Variants in POM121C observed in about 807,000 individuals in gnomAD.
POM121C encodes POM121 transmembrane nucleoporin C, also known as nuclear envelope pore membrane protein POM 121C.
Under a neutral mutation model 66.4 loss-of-function variants are expected in POM121C, and 20 were observed. The observed-to-expected ratio is 0.30, with a 90% confidence interval of 0.21 to 0.44. The LOEUF (loss-of-function observed/expected upper bound fraction) is 0.44, where lower values mean the gene tolerates loss of function less well. Among genes scored for constraint, POM121C ranks in the 20% least tolerant of loss-of-function variants. The pLI is 1.00. For missense variants in POM121C, 580 were observed against 1,225.7 expected (o/e 0.47, Z 7.87); for synonymous variants, 286 against 528.0 (o/e 0.54, Z 6.28).
At chr7:75,460,897 C>T (rs1222752648) in intron 3 of POM121C, among the ~76,000 whole-genome samples, 1 of 152,106 alleles carries the variant, frequency 6.6e-6, no homozygotes, top group East Asian at 1.9e-4. Flanking sequence ...GCAACAGTGG[C>T]TTCCCCAGGG....
At chr7:75,482,756 A>C (rs1792358536) in intron 1 of POM121C, among the ~76,000 whole-genome samples, 1 of 152,108 alleles carries the variant, frequency 6.6e-6, no homozygotes, top group African/African-American at 2.4e-5. Context: ...ATACTTACAG[A>C]TGAATCTTTT....
chr7:75,467,713 G>T (rs1791708572), intron 3 of POM121C, among the ~76,000 whole-genome samples: 1 of 151,858 alleles, frequency 6.6e-6, no homozygotes, highest in Non-Finnish European at 1.5e-5. Context: ...ATATTTGCTG[G>T]GTACCACTCT....
intron 3 of POM121C, among the ~76,000 whole-genome samples, chr7:75,443,227 A>G (rs1269622703): frequency 1.3e-5 from 2 of 152,154 alleles, no homozygotes; most frequent in African/African-American, 4.8e-5. Flanking sequence ...TCTGTGATCG[A>G]TTTATACCTA....
chr7:75,484,414 G>A (rs1792428740), intron 1 of POM121C: 1 of 463,738 alleles, frequency 2.2e-6, no homozygotes, highest in Non-Finnish European at 3.8e-6. Context: ...GTGATACAGG[G>A]TTTCACCATG....
intron 7 of POM121C, among the ~76,000 whole-genome samples, chr7:75,427,908 G>C (rs1790019077): frequency 6.6e-6 from 1 of 152,150 alleles, no homozygotes; most frequent in Non-Finnish European, 1.5e-5. Context: ...CCGGGCCCAG[G>C]AGGAGCTTGA....
chr7:75,437,614 A>C lies in POM121C; in HGVS notation c.381T>G (p.Ser127=). The change falls in exon 7 of 15, where the codon TCT becomes TCG. Residue 127 remains serine, a synonymous_variant. Transcript: ENST00000615331. The part of the protein sequence containing the change: ...DDHLNKRSRS[S]SMSSLTGAYT... ...AAGCGCCTGTCAAGGAGCTCATGGA[A>C]GAGCTTCGGGATCTCTTATTCAAGT... The C allele has an allele frequency of 6.2e-7, 1 of 1,613,978 alleles. No homozygotes were observed. The highest frequency in any genetic ancestry group is 1.1e-5 in the South Asian group (1 of 91,072).
At chr7:75,484,181 C>G in intron 1 of POM121C, 1 of 1,608,294 alleles carries the variant, frequency 6.2e-7, no homozygotes. Context: ...AACATATACA[C>G]AAGCAGGAAA....
At chr7:75,442,040 A>T (rs1365274913) in intron 3 of POM121C, 1 of 1,163,744 alleles carries the variant, frequency 8.6e-7, no homozygotes, top group Non-Finnish European at 1.1e-6. Flanking sequence ...ACCACACACA[A>T]TTCCCTTCGG....
rs1282462004 is a variant in POM121C at position 75,417,179 on chromosome 7, C to T, written c.*1617G>A. On this transcript the variant is annotated 3_prime_UTR_variant, in exon 15 of 15. Transcript: ENST00000615331. The stretch of plus-strand genomic sequence containing the variant: ...GTATAACACTCGCCCTCAGTCACAA[C>T]GGGGAGGGGGCACCGGTTACATCTA... 21 of 977,766 alleles carry T rather than the reference C, an allele frequency of 2.1e-5. No homozygotes were observed. Among genetic ancestry groups the T allele is most frequent in the Non-Finnish European group, 2.6e-5 (21 of 819,288 alleles). 60.6% of individuals were successfully genotyped at this position (977,766 alleles called of 1,614,324 possible).
At chr7:75,441,261 T>C in intron 4 of POM121C, 146 bp from the exon 5 acceptor site, 3 of 1,369,664 alleles carry the variant, frequency 2.2e-6, no homozygotes, top group Non-Finnish European at 3.0e-6. Flanking sequence ...ACTTTTTCGT[T>C]AACGGCAAAA....
chr7:75,478,700 C>G (rs1554479724), intron 1 of POM121C, among the ~76,000 whole-genome samples: 1 of 143,618 alleles, frequency 7.0e-6, no homozygotes, highest in African/African-American at 2.6e-5. Flanking sequence ...AAGACAGCAA[C>G]AGAAGTTACA....
At position 75,419,315 on chromosome 7, in the gene POM121C, CTTACCGAA is replaced by C. The variant is rs1476820299; in HGVS notation, c.2863_2866+4del. On this transcript the variant is annotated splice_donor_variant and splice_donor_region_variant and coding_sequence_variant and intron_variant, in exon 14 of 15. Coordinates refer to ENST00000615331, the MANE Select transcript of POM121C (RefSeq NM_001099415.3). LOFTEE classifies it high-confidence loss of function. ...AGCAGGGCCACAGGGTGGCTTGCTG[CTTACCGAA>C]CGGTCCAACACCAACAAAGCCTTGG... 1.2e-6 allele frequency: 2 copies of C among 1,609,204 alleles called. No homozygotes were observed. Among genetic ancestry groups the C allele is most frequent in the Non-Finnish European group, 1.7e-6 (2 of 1,177,926 alleles).
intron 3 of POM121C, among the ~76,000 whole-genome samples, chr7:75,450,050 C>T (rs1372608847): frequency 2.0e-5 from 3 of 151,900 alleles, no homozygotes; most frequent in African/African-American, 7.2e-5. Context: ...ATGCCAGAGA[C>T]GTGCAGAGAA....
intron 1 of POM121C, among the ~76,000 whole-genome samples, chr7:75,477,502 C>A (rs1326420125): frequency 6.6e-6 from 1 of 152,034 alleles, no homozygotes; most frequent in Non-Finnish European, 1.5e-5. Context: ...CCCTAAATTA[C>A]TTTATAAATA....
intron 3 of POM121C, among the ~76,000 whole-genome samples, chr7:75,471,044 C>T (rs1554478592): frequency 6.6e-6 from 1 of 152,020 alleles, no homozygotes; most frequent in East Asian, 1.9e-4. Flanking sequence ...CAGAAATCCC[C>T]AATTCAGCTT....
intron 3 of POM121C, among the ~76,000 whole-genome samples, chr7:75,448,356 T>C (rs1363990325): frequency 6.6e-6 from 1 of 152,066 alleles, no homozygotes; most frequent in Non-Finnish European, 1.5e-5. Context: ...CACAAAGGAA[T>C]GAAAGGCATT....
intron 3 of POM121C, among the ~76,000 whole-genome samples, chr7:75,453,856 A>G (rs1791113735): frequency 6.6e-6 from 1 of 152,048 alleles, no homozygotes; most frequent in African/African-American, 2.4e-5. Context: ...AGGAGCTGAT[A>G]CTGGCTGTCA....
At chr7:75,460,526 A>G (rs1172624071) in intron 3 of POM121C, among the ~76,000 whole-genome samples, 3 of 151,912 alleles carry the variant, frequency 2.0e-5, no homozygotes, top group African/African-American at 7.3e-5. Context: ...ATAGTCACAT[A>G]AGATGGCAGA....
At position 75,418,476 on chromosome 7, in the gene POM121C, G is replaced by A. The variant is rs1232440363; in HGVS notation, c.*320C>T. The A allele has an allele frequency of 2.2e-5, 24 of 1,079,176 alleles. No individual in the cohort carries two copies. The highest frequency in any genetic ancestry group is 1.0e-4 in the African/African-American group (6 of 60,146). The allele number at this position is 1,079,176 out of a possible 1,614,324, so 66.9% of individuals were successfully genotyped here. A position where few individuals can be genotyped will look rare whatever the true frequency, so the allele number is the denominator to read the frequency against. ...GCTCTCGGGGAAAGGTGGAAGGGGC[G>A]CCTGCCTAAGGGTGCGCTAAGCGGG... On this transcript the variant is annotated 3_prime_UTR_variant, in exon 15 of 15. Coordinates refer to ENST00000615331, the MANE Select transcript of POM121C (RefSeq NM_001099415.3).
Sources: gnomAD v4.1 joint callset for allele counts (sites outside exome capture counted in the v4.1 genomes callset) on GRCh38, gnomAD v4.1.1 for gene constraint, MANE v1.5 for transcripts, NCBI Gene and HGNC (gene_info 2026-07-23, HGNC 2026-07-21) for gene names.